Variants in CBLB observed in about 807,000 individuals in gnomAD.
CBLB encodes Cbl proto-oncogene B.
In CBLB, 31 loss-of-function variants were observed where a neutral mutation model predicts 104.9. The ratio of observed to expected loss-of-function variants is 0.30; its 90% CI spans 0.22 to 0.40. The LOEUF (loss-of-function observed/expected upper bound fraction) is 0.40. Among genes scored for constraint, CBLB ranks in the 10% least tolerant of loss-of-function variants. The pLI is 1.00. For missense variants in CBLB, 1,062 were observed against 1,214.6 expected (o/e 0.87, Z 1.87); for synonymous variants, 440 against 422.6 (o/e 1.04, Z -0.51).
At position 105,684,537 on chromosome 3, in the gene CBLB, C is replaced by A. The variant is rs1040843770; in HGVS notation, c.2201+783G>T. On this transcript the variant is annotated intron_variant, in intron 14 of 18. Coordinates refer to ENST00000394030, the MANE Select transcript of CBLB (RefSeq NM_170662.5). ...ATAAGCCACAAAAGTAAGGAAAAAA[C>A]CCCCATTATTCCACACATTCTTTTT... is the stretch of plus-strand genomic sequence containing the variant. Among the ~76,000 whole-genome samples the A allele has an allele frequency of 5.5e-5, 8 of 145,214 alleles. No homozygotes were observed. In the East Asian group the frequency reaches 1.3e-3, roughly 23 times the overall value.
At chr3:105,767,510 C>T (rs1370078156) in intron 4 of CBLB, among the ~76,000 whole-genome samples, 2 of 151,400 alleles carry the variant, frequency 1.3e-5, no homozygotes, top group Non-Finnish European at 1.5e-5. Context: ...TTCAATTCTA[C>T]CTTCATCTCG....
intron 13 of CBLB, 62 bp downstream of exon 13, chr3:105,693,432 C>G: frequency 1.0e-6 from 1 of 972,702 alleles, no homozygotes; most frequent in Non-Finnish European, 1.5e-6. Flanking sequence ...GAGAACCTCT[C>G]AAAACCACTC....
chr3:105,828,404 G>A lies in CBLB; in HGVS notation c.419+25010C>T, dbSNP rs78667190. On this transcript the variant is annotated intron_variant, in intron 3 of 18. Coordinates refer to ENST00000394030, the MANE Select transcript of CBLB (RefSeq NM_170662.5). ...CTTTAATACAGATGTCAAAGGAAACGACAAAACAATTTTCATTAAATATTA... is the reference window on the plus strand; with the variant it reads ...CTTTAATACAGATGTCAAAGGAAACAACAAAACAATTTTCATTAAATATTA... Among the ~76,000 whole-genome samples, 151 of 152,258 alleles carry A rather than the reference G, an allele frequency of 9.9e-4. 1 individual carries two copies. The East Asian group carries it at 0.028, about 29-fold the overall frequency.
chr3:105,780,863 C>T (rs552493116), intron 3 of CBLB, among the ~76,000 whole-genome samples: 55 of 152,002 alleles, frequency 3.6e-4, no homozygotes, highest in African/African-American at 1.2e-3. Flanking sequence ...AGGGTTTCAC[C>T]GTGTTAGCCA....
At chr3:105,675,887 A>G (rs74341932) in intron 17 of CBLB, among the ~76,000 whole-genome samples, 2 of 147,962 alleles carry the variant, frequency 1.4e-5, no homozygotes, top group Admixed American at 6.7e-5. Flanking sequence ...CCTGTCTCAA[A>G]AAAAAAAAAA....
intron 3 of CBLB, among the ~76,000 whole-genome samples, chr3:105,793,567 C>A (rs1279792515): frequency 2.7e-5 from 4 of 150,192 alleles, no homozygotes; most frequent in African/African-American, 9.8e-5. Flanking sequence ...AACACAAAAT[C>A]TATTATTTAC....
At chr3:105,731,956 C>T (rs895926642) in intron 9 of CBLB, among the ~76,000 whole-genome samples, 1 of 152,196 alleles carries the variant, frequency 6.6e-6, no homozygotes, top group South Asian at 2.1e-4. Flanking sequence ...CTGAAATACA[C>T]AAGCCCTGCA....
At chr3:105,669,838 C>T (rs1231112336) in intron 18 of CBLB, among the ~76,000 whole-genome samples, 1 of 151,970 alleles carries the variant, frequency 6.6e-6, no homozygotes. Context: ...CTGGTTGGAG[C>T]CCTAAATAAG....
Position 105,682,826 on chromosome 3 carries a change from G to A in CBLB, c.2202-1008C>T, listed in dbSNP as rs192981723. Among the ~76,000 whole-genome samples the A allele has an allele frequency of 1.4e-3, 217 of 152,154 alleles. 1 individual carries two copies. The highest frequency in any genetic ancestry group is 3.7e-3 in the African/African-American group (155 of 41,496). ...CCAAATTATTGGTATTAATTCTTCG[G>A]AATCATACTATGAACACAATGGTTA... On this transcript the variant is annotated intron_variant, in intron 14 of 18. Coordinates refer to ENST00000394030, the MANE Select transcript of CBLB (RefSeq NM_170662.5).
chr3:105,733,308 G>A (rs933935783), intron 9 of CBLB, among the ~76,000 whole-genome samples: 4 of 150,076 alleles, frequency 2.7e-5, no homozygotes, highest in Non-Finnish European at 5.9e-5. Context: ...TGTGTGCCGA[G>A]ATCGTGCCAC....
At chr3:105,770,692 G>T (rs2078772784) in intron 4 of CBLB, among the ~76,000 whole-genome samples, 1 of 152,126 alleles carries the variant, frequency 6.6e-6, no homozygotes, top group Non-Finnish European at 1.5e-5. Context: ...ACGAAGAGGG[G>T]CATGGCTTTT....
intron 3 of CBLB, among the ~76,000 whole-genome samples, chr3:105,821,763 A>C (rs1017886301): frequency 6.6e-6 from 1 of 152,118 alleles, no homozygotes; most frequent in Non-Finnish European, 1.5e-5. Flanking sequence ...TCCTCAACTA[A>C]TGTTTCACCA....
intron 4 of CBLB, among the ~76,000 whole-genome samples, chr3:105,766,774 C>A (rs1380827098): frequency 6.6e-6 from 1 of 152,188 alleles, no homozygotes; most frequent in Admixed American, 6.5e-5. Context: ...TTGCAATATG[C>A]ACTTCATTGC....
At chr3:105,699,448 T>C (rs185553203) in intron 12 of CBLB, among the ~76,000 whole-genome samples, 1 of 152,282 alleles carries the variant, frequency 6.6e-6, no homozygotes, top group Admixed American at 6.5e-5. Context: ...TTCCACTTTA[T>C]TTATAAGGAA....
intron 4 of CBLB, among the ~76,000 whole-genome samples, chr3:105,764,439 A>AT (rs1317222323): frequency 6.6e-6 from 1 of 152,136 alleles, no homozygotes; most frequent in Non-Finnish European, 1.5e-5. Context: ...TCAAAACAGT[A>AT]TTTTTTGTGT....
Position 105,772,036 on chromosome 3 carries a change from T to C in CBLB, c.566+4360A>G, listed in dbSNP as rs116578598. On this transcript the variant is annotated intron_variant, in intron 4 of 18. Transcript: ENST00000394030. ...CTAGAAAAAACAATCCTAAGATTCG[T>C]ATGGAACCAAAAAAGAGACCATATC... Among the ~76,000 whole-genome samples the C allele has an allele frequency of 5.6e-3, 859 of 152,212 alleles. 5 individuals are homozygous for C. The highest frequency in any genetic ancestry group is 0.02 in the African/African-American group (839 of 41,526).
chr3:105,858,679 C>T (rs975512179), intron 2 of CBLB, among the ~76,000 whole-genome samples: 1 of 152,120 alleles, frequency 6.6e-6, no homozygotes, highest in African/African-American at 2.4e-5. Flanking sequence ...CTGAAAATTC[C>T]ACTATAGCCA....
chr3:105,861,733 T>C (rs1357388353), intron 2 of CBLB, among the ~76,000 whole-genome samples: 1 of 147,082 alleles, frequency 6.8e-6, no homozygotes, highest in Non-Finnish European at 1.5e-5. Flanking sequence ...ACACACAGAG[T>C]TATTTCAATG....
intron 10 of CBLB, among the ~76,000 whole-genome samples, chr3:105,713,869 C>T (rs944763581): frequency 1.3e-5 from 2 of 152,102 alleles, no homozygotes; most frequent in South Asian, 2.1e-4. Context: ...TAGGACCACC[C>T]ATGGGCTTGC....
Sources: gnomAD v4.1 joint callset for allele counts (sites outside exome capture counted in the v4.1 genomes callset) on GRCh38, gnomAD v4.1.1 for gene constraint, MANE v1.5 for transcripts, NCBI Gene and HGNC (gene_info 2026-07-23, HGNC 2026-07-21) for gene names.